CNTN5: variants seen among roughly 807,000 people sequenced by gnomAD.
The protein encoded by CNTN5 is contactin 5.
In CNTN5, 77 loss-of-function variants were observed where a neutral mutation model predicts 129.1. The ratio of observed to expected loss-of-function variants is 0.60; its 90% CI spans 0.50 to 0.72. CNTN5 has a LOEUF of 0.72. Ranked by LOEUF, CNTN5 falls within the 30% of genes least tolerant of loss-of-function variation. The pLI is 0.00. For synonymous variants in CNTN5, 509 were observed against 465.6 expected, an observed-to-expected ratio of 1.09 and a Z score of -1.20; for missense variants, 1,478 against 1,328.8, an observed-to-expected ratio of 1.11 and a Z score of -1.75.
chr11:99,791,561 G>A (rs990900397), intron 3 of CNTN5, among the ~76,000 whole-genome samples: 2 of 151,940 alleles, frequency 1.3e-5, no homozygotes, highest in African/African-American at 4.8e-5. Flanking sequence ...ATGCCTCCAG[G>A]TTTGTCCTCT....
At chr11:99,158,007 T>G (rs138584401) in intron 1 of CNTN5, among the ~76,000 whole-genome samples, 133 of 152,274 alleles carry the variant, frequency 8.7e-4, no homozygotes, top group Middle Eastern at 6.8e-3. Context: ...CTTTGTGTTA[T>G]GCTAAATAAT....
intron 6 of CNTN5, among the ~76,000 whole-genome samples, chr11:99,886,323 A>G (rs1001496608): frequency 3.3e-5 from 5 of 152,112 alleles, no homozygotes; most frequent in Admixed American, 6.5e-5. Flanking sequence ...CAAAATATAT[A>G]AAGGACTTCT....
At chr11:100,138,748 A>G (rs1165446597) in intron 13 of CNTN5, among the ~76,000 whole-genome samples, 2 of 152,142 alleles carry the variant, frequency 1.3e-5, no homozygotes, top group Admixed American at 6.6e-5. Flanking sequence ...GGGGATCATG[A>G]TATGACTTAT....
chr11:100,342,037 C>T (rs1261036514), intron 23 of CNTN5, among the ~76,000 whole-genome samples: 2 of 151,646 alleles, frequency 1.3e-5, no homozygotes, highest in Non-Finnish European at 2.9e-5. Flanking sequence ...ACATAAAATG[C>T]TAAAATTTAA....
intron 6 of CNTN5, among the ~76,000 whole-genome samples, chr11:99,855,225 G>T (rs895162139): frequency 1.4e-4 from 21 of 152,220 alleles, no homozygotes; most frequent in African/African-American, 4.3e-4. Flanking sequence ...GGGATGATCT[G>T]TTGAGCCCGG....
intron 3 of CNTN5, among the ~76,000 whole-genome samples, chr11:99,759,610 C>CA (rs1306031100): frequency 1.3e-5 from 2 of 148,650 alleles, no homozygotes; most frequent in African/African-American, 4.9e-5. Context: ...GGTGTGAAGT[C>CA]ATAACCCCAG....
intron 6 of CNTN5, among the ~76,000 whole-genome samples, chr11:99,865,756 T>G (rs565981858): frequency 6.6e-6 from 1 of 152,218 alleles, no homozygotes; most frequent in Admixed American, 6.5e-5. Flanking sequence ...TACAGGCCAT[T>G]AATTAATAGT....
intron 3 of CNTN5, among the ~76,000 whole-genome samples, chr11:99,593,806 C>T (rs1186113684): frequency 6.6e-6 from 1 of 152,164 alleles, no homozygotes; most frequent in African/African-American, 2.4e-5. Context: ...TGCCAGATTC[C>T]CATGATGTGG....
intron 9 of CNTN5, among the ~76,000 whole-genome samples, chr11:100,007,110 G>T (rs1255865793): frequency 2.0e-5 from 3 of 152,012 alleles, no homozygotes; most frequent in South Asian, 2.1e-4. Context: ...TGAGCTGTAG[G>T]TCTCAACAGT....
chr11:99,567,642 G>T (rs1486381845), intron 3 of CNTN5, among the ~76,000 whole-genome samples: 1 of 152,108 alleles, frequency 6.6e-6, no homozygotes, highest in Non-Finnish European at 1.5e-5. Flanking sequence ...TATAAATTCT[G>T]ACTTCCCTGC....
At chr11:99,959,026 G>C (rs183362659) in intron 8 of CNTN5, among the ~76,000 whole-genome samples, 1 of 152,002 alleles carries the variant, frequency 6.6e-6, no homozygotes, top group African/African-American at 2.4e-5. Context: ...TTATCTTTAC[G>C]TTCTACCTTC....
At chr11:100,182,269 A>G (rs757146484) in intron 13 of CNTN5, among the ~76,000 whole-genome samples, 2 of 152,064 alleles carry the variant, frequency 1.3e-5, no homozygotes, top group Non-Finnish European at 2.9e-5. Flanking sequence ...TTTATATCTC[A>G]TAGTTCTGGA....
intron 1 of CNTN5, among the ~76,000 whole-genome samples, chr11:99,178,206 C>T (rs1857871693): frequency 6.7e-6 from 1 of 149,694 alleles, no homozygotes; most frequent in African/African-American, 2.4e-5. Context: ...CTAGGCTGGG[C>T]ACCATAGCTC....
chr11:99,593,176 T>C (rs1950028908), intron 3 of CNTN5, among the ~76,000 whole-genome samples: 1 of 152,208 alleles, frequency 6.6e-6, no homozygotes, highest in African/African-American at 2.4e-5. Flanking sequence ...TCCTTCATTA[T>C]AACCCTAAAA....
intron 2 of CNTN5, among the ~76,000 whole-genome samples, chr11:99,369,061 A>G (rs1235661273): frequency 6.8e-6 from 1 of 146,322 alleles, no homozygotes; most frequent in Non-Finnish European, 1.5e-5. Flanking sequence ...GAGTCTGAGA[A>G]AAAGGAATGC....
chr11:99,128,675 G>T (rs573322182), intron 1 of CNTN5, among the ~76,000 whole-genome samples: 1 of 152,162 alleles, frequency 6.6e-6, no homozygotes, highest in South Asian at 2.1e-4. Flanking sequence ...GACTGGGTGA[G>T]ACCTCCCAAC....
At chr11:99,626,534 G>T (rs746003397) in intron 3 of CNTN5, among the ~76,000 whole-genome samples, 7 of 152,050 alleles carry the variant, frequency 4.6e-5, no homozygotes, top group Non-Finnish European at 8.8e-5. Flanking sequence ...TCTTCAAGAA[G>T]TCTTCTATTG....
At chr11:99,356,982 A>T (rs1938719819) in intron 2 of CNTN5, among the ~76,000 whole-genome samples, 1 of 152,186 alleles carries the variant, frequency 6.6e-6, no homozygotes, top group African/African-American at 2.4e-5. Flanking sequence ...TCAAGTATAG[A>T]AAAAGGAAAC....
At chr11:99,536,715 C>T (rs1231426393) in intron 2 of CNTN5, among the ~76,000 whole-genome samples, 1 of 151,784 alleles carries the variant, frequency 6.6e-6, no homozygotes, top group Non-Finnish European at 1.5e-5. Flanking sequence ...ATACCCATGA[C>T]AATTCTTTGG....
Sources: gnomAD v4.1 joint callset for allele counts (sites outside exome capture counted in the v4.1 genomes callset) on GRCh38, gnomAD v4.1.1 for gene constraint, MANE v1.5 for transcripts, NCBI Gene and HGNC (gene_info 2026-07-23, HGNC 2026-07-21) for gene names.